AOPEP: variants seen among roughly 807,000 people sequenced by gnomAD.
AOPEP encodes the protein aminopeptidase O (putative).
Under a neutral mutation model 98.1 loss-of-function variants are expected in AOPEP, and 77 were observed. That is an observed-to-expected ratio of 0.78 (90% CI 0.65 to 0.95). AOPEP has a LOEUF of 0.95. Ranked by LOEUF, AOPEP falls within the 40% of genes least tolerant of loss-of-function variation. The pLI is 0.00. For synonymous variants in AOPEP, 346 were observed against 365.3 expected, an observed-to-expected ratio of 0.95 and a Z score of 0.60; for missense variants, 1,024 against 1,024.7, an observed-to-expected ratio of 1.00 and a Z score of 0.01.
intron 7 of AOPEP, chr9:94,932,517 T>G (rs1007559934): frequency 6.3e-6 from 1 of 158,560 alleles, no homozygotes; most frequent in Non-Finnish European, 1.3e-5. Flanking sequence ...AGAGTCTTGC[T>G]CTGTCGCCCA....
chr9:94,829,267 G>A lies in AOPEP; in HGVS notation c.1364+28265G>A, dbSNP rs370420481. 5.9e-4 allele frequency among the ~76,000 whole-genome samples: 89 copies of A among 152,042 alleles called. 3 individuals carry two copies. The highest frequency in any genetic ancestry group is 2.0e-3 in the African/African-American group (81 of 41,472). ...ATAATAAATACATATAAAAAAGCTAGCTAGGCCTGTTTATTATTTCCTCTT... is the reference window on the plus strand; with the variant it reads ...ATAATAAATACATATAAAAAAGCTAACTAGGCCTGTTTATTATTTCCTCTT... On this transcript the variant is annotated intron_variant, in intron 5 of 16. Coordinates refer to ENST00000375315, the MANE Select transcript of AOPEP (RefSeq NM_001193329.3).
Position 94,923,969 on chromosome 9 carries a change from T to A in AOPEP, c.1365-17T>A. 7.2e-7 allele frequency: 1 copy of A among 1,380,730 alleles called. No individual in the cohort carries two copies. The highest frequency in any genetic ancestry group is 9.5e-7 in the Non-Finnish European group (1 of 1,055,744). 85.5% of individuals were successfully genotyped at this position (1,380,730 alleles called of 1,614,324 possible). On this transcript the variant is annotated splice_polypyrimidine_tract_variant and intron_variant, in intron 5 of 16. Coordinates refer to ENST00000375315, the MANE Select transcript of AOPEP (RefSeq NM_001193329.3). ...CTCTAACAAGACTCTGTGCATTTTC[T>A]CCCCCATTATCCACAGCCCACACAT...
At chr9:94,754,202 A>G (rs1836476529) in intron 1 of AOPEP, among the ~76,000 whole-genome samples, 1 of 152,240 alleles carries the variant, frequency 6.6e-6, no homozygotes, top group Non-Finnish European at 1.5e-5. Flanking sequence ...ATTTCACAGT[A>G]GTAAGCTATG....
At chr9:94,976,755 C>G (rs1048738588) in intron 10 of AOPEP, among the ~76,000 whole-genome samples, 1 of 152,000 alleles carries the variant, frequency 6.6e-6, no homozygotes, top group Non-Finnish European at 1.5e-5. Context: ...CAACCTCTGC[C>G]TCCCAGGCTC....
chr9:94,903,892 TAAA>T (rs10658054), intron 5 of AOPEP, among the ~76,000 whole-genome samples: 5 of 96,618 alleles, frequency 5.2e-5, no homozygotes, highest in African/African-American at 1.7e-4. Context: ...AGACTCTGTC[TAAA>T]AAAAAAAAAA....
At chr9:95,142,247 C>G in the AOPEP span, among the ~76,000 whole-genome samples, 31 of 152,138 alleles carry the variant, frequency 2.0e-4, no homozygotes, top group African/African-American at 7.5e-4. Flanking sequence ...CCTGCCTCAG[C>G]CTTCCAAAGT....
intron 4 of AOPEP, 28 bp downstream of exon 4, chr9:94,792,946 GA>G (rs55826214): frequency 0.12 from 137,865 of 1,137,914 alleles, 476 homozygotes; most frequent in Admixed American, 0.16. Context: ...TGCTGGGAAG[GA>G]AAAAAAAAAA....
At chr9:94,978,558 G>A (rs2059988644) in intron 10 of AOPEP, among the ~76,000 whole-genome samples, 1 of 152,164 alleles carries the variant, frequency 6.6e-6, no homozygotes, top group South Asian at 2.1e-4. Flanking sequence ...GCACTGGGGA[G>A]GCCTTGCTTC....
the AOPEP span, among the ~76,000 whole-genome samples, chr9:95,131,828 C>T: frequency 2.6e-5 from 4 of 152,234 alleles, no homozygotes; most frequent in African/African-American, 9.6e-5. Flanking sequence ...GGAGGAGCTG[C>T]ATACTGGGAG....
At chr9:95,108,599 A>T in the AOPEP span, among the ~76,000 whole-genome samples, 9 of 152,190 alleles carry the variant, frequency 5.9e-5, no homozygotes, top group Admixed American at 3.9e-4. Flanking sequence ...AACATGTCCT[A>T]AGTTTTTCAG....
chr9:95,022,152 G>A (rs543228341), intron 13 of AOPEP: 1 of 152,298 alleles, frequency 6.6e-6, no homozygotes, highest in East Asian at 1.9e-4. Context: ...TACAGAGAAA[G>A]AGAGGAGGCA....
downstream of AOPEP, among the ~76,000 whole-genome samples, chr9:95,087,769 T>C (rs977569233): frequency 2.6e-5 from 4 of 152,324 alleles, no homozygotes; most frequent in Non-Finnish European, 5.9e-5. Context: ...TCCTTGGCAC[T>C]GTCCATGGGG....
At chr9:94,829,971 A>G (rs1042716737) in intron 5 of AOPEP, among the ~76,000 whole-genome samples, 2 of 152,232 alleles carry the variant, frequency 1.3e-5, no homozygotes, top group African/African-American at 4.8e-5. Context: ...GTGAAAGAAC[A>G]AAATTAGGAG....
intron 2 of AOPEP, among the ~76,000 whole-genome samples, chr9:94,765,979 A>T (rs1839516727): frequency 6.6e-6 from 1 of 152,168 alleles, no homozygotes; most frequent in Non-Finnish European, 1.5e-5. Context: ...CTTGGAAAAG[A>T]TGTTTGCTTT....
chr9:94,789,940 C>G (rs1845299292), intron 3 of AOPEP, among the ~76,000 whole-genome samples: 1 of 151,706 alleles, frequency 6.6e-6, no homozygotes, highest in African/African-American at 2.4e-5. Context: ...GTGGCGCAAT[C>G]TCGGCTCACT....
At chr9:94,909,773 T>C (rs1363775577) in intron 5 of AOPEP, among the ~76,000 whole-genome samples, 1 of 152,130 alleles carries the variant, frequency 6.6e-6, no homozygotes, top group Non-Finnish European at 1.5e-5. Context: ...GGTTCTGAGG[T>C]GACTGGGCCT....
chr9:95,144,515 C>A, the AOPEP span, among the ~76,000 whole-genome samples: 1 of 152,164 alleles, frequency 6.6e-6, no homozygotes, highest in Non-Finnish European at 1.5e-5. Context: ...TCTCTGGGCA[C>A]GTCGCCTGGC....
intron 13 of AOPEP, among the ~76,000 whole-genome samples, chr9:95,055,213 T>C (rs1321566457): frequency 6.6e-6 from 1 of 152,238 alleles, no homozygotes; most frequent in African/African-American, 2.4e-5. Context: ...TCTACTTTTG[T>C]TTCTTAGAAA....
At position 94,800,943 on chromosome 9, in the gene AOPEP, G is replaced by C. The variant is rs552315641; in HGVS notation, c.1305G>C (p.Pro435=). Residue 435 remains proline, a synonymous_variant, in exon 5 of 17, where the codon CCG becomes CCC. Transcript: ENST00000375315. ...CACATTCTGTTCTGGGAGCACACCC[G>C]TTCTCTCGGCTGGATGTTCTCATCG... is the stretch of plus-strand genomic sequence containing the variant. ...SAAHSVLGAH[P]FSRLDVLIVP... is the part of the protein sequence containing the mutation. 6.2e-7 allele frequency: 1 copy of C among 1,614,156 alleles called. No homozygotes were observed. The highest frequency in any genetic ancestry group is 1.3e-5 in the African/African-American group (1 of 75,042).
Sources: allele counts gnomAD v4.1 joint callset (sites outside exome capture counted in the v4.1 genomes callset), GRCh38; gene constraint gnomAD v4.1.1; transcripts MANE v1.5; gene names NCBI Gene and HGNC (gene_info 2026-07-23, HGNC 2026-07-21).